The following CLCN3 variants were observed in gnomAD, a reference collection of about 807,000 sequenced individuals.
CLCN3 encodes the protein Cl-/H+ antiporter 3.
CLCN3 carries 16 observed loss-of-function variants against 83.4 expected under a neutral mutation model. The ratio of observed to expected loss-of-function variants is 0.19; its 90% CI spans 0.13 to 0.29. The LOEUF is 0.29. Among genes scored for constraint, CLCN3 ranks in the 10% least tolerant of loss-of-function variants. CLCN3 has a pLI of 1.00. For synonymous variants in CLCN3, 322 were observed against 346.2 expected, an observed-to-expected ratio of 0.93 and a Z score of 0.78; for missense variants, 544 against 1,006.0, an observed-to-expected ratio of 0.54 and a Z score of 6.21.
At chr4:169,629,360 T>C (rs1389094673) in intron 1 of CLCN3, among the ~76,000 whole-genome samples, 1 of 152,122 alleles carries the variant, frequency 6.6e-6, no homozygotes, top group African/African-American at 2.4e-5. Context: ...AAATTGAACA[T>C]CTACTGTGAC....
At chr4:169,681,947 A>C (rs1198082891) in intron 3 of CLCN3, among the ~76,000 whole-genome samples, 1 of 152,218 alleles carries the variant, frequency 6.6e-6, no homozygotes, top group Non-Finnish European at 1.5e-5. Context: ...AACCTCATAC[A>C]CAGATAATAT....
intron 12 of CLCN3, among the ~76,000 whole-genome samples, chr4:169,719,558 C>T (rs1014374415): frequency 1.3e-5 from 2 of 152,162 alleles, no homozygotes; most frequent in South Asian, 4.1e-4. Flanking sequence ...AATCAATTTT[C>T]CTTCTCAAAT....
At chr4:169,654,758 A>C (rs78374184) in intron 2 of CLCN3, among the ~76,000 whole-genome samples, 1 of 152,120 alleles carries the variant, frequency 6.6e-6, no homozygotes, top group African/African-American at 2.4e-5. Context: ...TGCAACTTGC[A>C]TTGTGGCCCA....
chr4:169,650,189 CTTTG>C (rs1374432238), intron 2 of CLCN3, among the ~76,000 whole-genome samples: 1 of 152,128 alleles, frequency 6.6e-6, no homozygotes, highest in Non-Finnish European at 1.5e-5. Flanking sequence ...TAATGAAGCT[CTTTG>C]TTTGATATTA....
chr4:169,635,581 C>A (rs1034635190), intron 1 of CLCN3, among the ~76,000 whole-genome samples: 1 of 152,078 alleles, frequency 6.6e-6, no homozygotes, highest in Non-Finnish European at 1.5e-5. Context: ...GTACTTCAGC[C>A]ATCTTGTTCC....
rs184146351 is a variant in CLCN3 at position 169,697,773 on chromosome 4, C to T, written c.1563+39C>T. 203 of 1,425,650 alleles carry T rather than the reference C, an allele frequency of 1.4e-4. No individual in the cohort carries two copies. The African/African-American group carries it at 2.5e-3, about 18-fold the overall frequency. The allele number at this position is 1,425,650 out of a possible 1,614,324, so 88.3% of individuals were successfully genotyped here. On this transcript the variant is annotated intron_variant, in intron 9 of 12. Transcript: ENST00000513761. ...TGAGGTGATATTTGGGTAATTTTGG[C>T]ATGTTCAAAACTTATATGTGGAATG...
chr4:169,649,577 A>T (rs11723888), intron 2 of CLCN3, among the ~76,000 whole-genome samples: 11,459 of 152,282 alleles, frequency 0.075, 486 homozygotes, highest in African/African-American at 0.12. Flanking sequence ...ATGTAGAATG[A>T]GGGAGTATAA....
intron 11 of CLCN3, among the ~76,000 whole-genome samples, chr4:169,712,139 A>C (rs905647278): frequency 6.6e-6 from 1 of 151,808 alleles, no homozygotes; most frequent in Admixed American, 6.6e-5. Flanking sequence ...TTAGGATTAC[A>C]AGCCTGAGCC....
At chr4:169,673,131 T>C (rs1297174506) in intron 2 of CLCN3, among the ~76,000 whole-genome samples, 1 of 152,212 alleles carries the variant, frequency 6.6e-6, no homozygotes, top group Non-Finnish European at 1.5e-5. Context: ...GGATAGAAAT[T>C]TTCCTTTTCT....
At chr4:169,639,328 A>G (rs1308919146) in intron 2 of CLCN3, among the ~76,000 whole-genome samples, 6 of 152,220 alleles carry the variant, frequency 3.9e-5, no homozygotes, top group Non-Finnish European at 1.5e-5. Context: ...CACTGTGCCC[A>G]GTCTATTGGT....
chr4:169,636,104 C>G lies in CLCN3; in HGVS notation c.160+16C>G. ...ACTGCAGTTGGTAAGTTCAGCATGA[C>G]AGCCTAATGTTTGTATTCATGAATA... is the stretch of plus-strand genomic sequence containing the variant. On this transcript the variant is annotated intron_variant, in intron 2 of 12. Transcript: ENST00000513761. The G allele has an allele frequency of 6.2e-7, 1 of 1,600,698 alleles. No individual in the cohort carries two copies. The highest frequency in any genetic ancestry group is 8.5e-7 in the Non-Finnish European group (1 of 1,172,448).
intron 2 of CLCN3, among the ~76,000 whole-genome samples, chr4:169,664,706 A>G (rs749271446): frequency 2.6e-5 from 4 of 152,228 alleles, no homozygotes; most frequent in African/African-American, 7.2e-5. Context: ...CAAATCTTCA[A>G]TAAAATCTGG....
At chr4:169,713,038 C>CT (rs1489008325) in intron 11 of CLCN3, 41 bp from the exon 12 acceptor site, 1 of 1,467,314 alleles carries the variant, frequency 6.8e-7, no homozygotes, top group South Asian at 1.2e-5. Context: ...ACTTAAAAAT[C>CT]TATCAGTTTA....
At chr4:169,660,343 T>C in intron 2 of CLCN3, 1 of 1,384,486 alleles carries the variant, frequency 7.2e-7, no homozygotes, top group Non-Finnish European at 9.3e-7. Context: ...CTTTTTCTTT[T>C]TCTTCTTCTA....
intron 2 of CLCN3, among the ~76,000 whole-genome samples, chr4:169,637,112 A>C (rs1730233226): frequency 6.6e-6 from 1 of 152,038 alleles, no homozygotes; most frequent in Non-Finnish European, 1.5e-5. Context: ...TGTTTACTTG[A>C]TGATTTATGA....
chr4:169,651,620 A>G (rs1028024330), intron 2 of CLCN3, among the ~76,000 whole-genome samples: 1 of 152,158 alleles, frequency 6.6e-6, no homozygotes, highest in Non-Finnish European at 1.5e-5. Flanking sequence ...AAATGTGTAA[A>G]TAGTTGTGCT....
At chr4:169,641,712 T>A (rs555298340) in intron 2 of CLCN3, among the ~76,000 whole-genome samples, 1 of 152,252 alleles carries the variant, frequency 6.6e-6, no homozygotes, top group South Asian at 2.1e-4. Context: ...AGAAGCTGAG[T>A]GGCCATCTCT....
intron 10 of CLCN3, among the ~76,000 whole-genome samples, chr4:169,705,894 G>C (rs73864758): frequency 6.6e-6 from 1 of 152,058 alleles, no homozygotes; most frequent in Non-Finnish European, 1.5e-5. Flanking sequence ...AGCCAGGCAC[G>C]ATGGCACATG....
At chr4:169,694,731 C>T (rs1310412381) in intron 7 of CLCN3, among the ~76,000 whole-genome samples, 2 of 151,940 alleles carry the variant, frequency 1.3e-5, no homozygotes, top group East Asian at 1.9e-4. Context: ...CCCAGCTACT[C>T]GGGAGGCTGA....
Sources: gnomAD v4.1 joint callset for allele counts (sites outside exome capture counted in the v4.1 genomes callset) on GRCh38, gnomAD v4.1.1 for gene constraint, MANE v1.5 for transcripts, NCBI Gene and HGNC (gene_info 2026-07-23, HGNC 2026-07-21) for gene names.